Variants in PTPN14 observed in about 807,000 individuals in gnomAD.
PTPN14 encodes tyrosine-protein phosphatase non-receptor type 14.
PTPN14 carries 53 observed loss-of-function variants against 126.8 expected under a neutral mutation model. The observed-to-expected ratio is 0.42, with a 90% CI of 0.34 to 0.53. The LOEUF is 0.53. Ranked by LOEUF, PTPN14 falls within the 20% of genes least tolerant of loss-of-function variation. PTPN14 has a pLI of 0.08. For synonymous variants in PTPN14, 630 were observed against 599.3 expected (o/e 1.05, Z -0.75); for missense variants, 1,257 against 1,552.9 (o/e 0.81, Z 3.20).
At chr1:214,479,627 C>T (rs562326887) in intron 1 of PTPN14, among the ~76,000 whole-genome samples, 238 of 152,200 alleles carry the variant, frequency 1.6e-3, no homozygotes, top group Non-Finnish European at 2.9e-3. Flanking sequence ...GCGTCAGCCA[C>T]CGTACCCGAC....
intron 1 of PTPN14, among the ~76,000 whole-genome samples, chr1:214,539,573 G>A (rs1428563290): frequency 6.6e-6 from 1 of 152,080 alleles, no homozygotes; most frequent in East Asian, 1.9e-4. Context: ...TACATATACG[G>A]TAATTAATCT....
intron 1 of PTPN14, chr1:214,531,613 C>T (rs1290859869): frequency 6.6e-6 from 1 of 152,068 alleles, no homozygotes; most frequent in Non-Finnish European, 1.5e-5. Flanking sequence ...CCCTGCAAGT[C>T]TTCTTGCCCC....
chr1:214,475,153 G>A (rs1406914444), intron 1 of PTPN14, among the ~76,000 whole-genome samples: 3 of 152,060 alleles, frequency 2.0e-5, no homozygotes, highest in Non-Finnish European at 4.4e-5. Context: ...ATAAGCTGGA[G>A]CTTGTAAAAC....
intron 1 of PTPN14, among the ~76,000 whole-genome samples, chr1:214,468,693 T>C (rs1050274556): frequency 1.2e-4 from 19 of 152,350 alleles, no homozygotes; most frequent in Middle Eastern, 3.4e-3. Context: ...CTCACTCTAC[T>C]GTTCTTTTAG....
intron 16 of PTPN14, 25 bp from the exon 17 acceptor site, chr1:214,369,716 T>C: frequency 1.3e-6 from 2 of 1,588,708 alleles, no homozygotes; most frequent in East Asian, 2.2e-5. Context: ...AAAGCAAAAT[T>C]GGAAATAGGT....
intron 7 of PTPN14, among the ~76,000 whole-genome samples, chr1:214,400,257 C>T (rs997059692): frequency 6.6e-6 from 1 of 152,218 alleles, no homozygotes; most frequent in Admixed American, 6.5e-5. Context: ...TACCACCCCC[C>T]ACTGGTACTG....
In PTPN14 at chr1:214,506,194, G is replaced by A. The variant is rs7543838; in HGVS notation, c.-154-41237C>T. 3.2e-3 allele frequency among the ~76,000 whole-genome samples: 492 copies of A among 152,202 alleles called. 1 individual carries two copies. Among genetic ancestry groups the A allele is most frequent in the African/African-American group, 0.011 (440 of 41,516 alleles). ...TCAGAACTGGGAAGAGCCAATTTCC[G>A]CTAGCTTTTTTCCTAAATATAAAAA... On this transcript the variant is annotated intron_variant, in intron 1 of 18. Coordinates refer to ENST00000366956, the MANE Select transcript of PTPN14 (RefSeq NM_005401.5).
intron 2 of PTPN14, among the ~76,000 whole-genome samples, chr1:214,463,235 C>T (rs1660552531): frequency 6.6e-6 from 1 of 152,118 alleles, no homozygotes; most frequent in South Asian, 2.1e-4. Flanking sequence ...AAGTCTCTTC[C>T]CCAATCAGTA....
rs1234048829 is a variant in PTPN14, at chr1:214,351,844, G to A, written c.*6078C>T. On this transcript the variant is annotated 3_prime_UTR_variant, in exon 19 of 19. Transcript: ENST00000366956. ...TTACAGAAAGGGAGGCAGGGAGTAG[G>A]AGAGGCATTCCAGAGTTCAGAAAAT... 1 of 152,236 alleles carries A rather than the reference G, an allele frequency of 6.6e-6. No individual in the cohort carries two copies. The highest frequency in any genetic ancestry group is 1.5e-5 in the Non-Finnish European group (1 of 68,052). The allele number at this position is 152,236 out of a possible 1,614,324, so 9.4% of individuals were successfully genotyped here.
intron 1 of PTPN14, among the ~76,000 whole-genome samples, chr1:214,512,431 T>C (rs753670361): frequency 6.6e-6 from 1 of 152,178 alleles, no homozygotes; most frequent in Non-Finnish European, 1.5e-5. Context: ...TGGGTACAAC[T>C]GACACAATCA....
intron 2 of PTPN14, among the ~76,000 whole-genome samples, chr1:214,461,805 C>T (rs1448619066): frequency 4.6e-5 from 7 of 152,156 alleles, no homozygotes; most frequent in Non-Finnish European, 1.0e-4. Flanking sequence ...TAGGCCCCAA[C>T]ACCCCTCCCA....
chr1:214,382,834 T>C lies in PTPN14; in HGVS notation c.2544+477A>G, dbSNP rs12410392. On this transcript the variant is annotated intron_variant, in intron 13 of 18. Coordinates refer to ENST00000366956, the MANE Select transcript of PTPN14 (RefSeq NM_005401.5). The stretch of plus-strand genomic sequence containing the variant: ...TTCTTGAATCTGTGTGAAACATCTA[T>C]TGAAAGAAAATCTGAATACAAAGCT... 0.011 allele frequency among the ~76,000 whole-genome samples: 1,623 copies of C among 152,376 alleles called. 69 individuals carry two copies. In the East Asian group the frequency reaches 0.11, roughly 10 times the overall value.
chr1:214,535,719 C>A (rs1655688124), intron 1 of PTPN14, among the ~76,000 whole-genome samples: 1 of 150,014 alleles, frequency 6.7e-6, no homozygotes, highest in African/African-American at 2.5e-5. Context: ...GCGGAGGTTG[C>A]AGTGAGCCAA....
intron 1 of PTPN14, chr1:214,533,226 C>T (rs992187006): frequency 4.5e-6 from 3 of 665,510 alleles, no homozygotes; most frequent in African/African-American, 3.6e-5. Context: ...CAGGGCTGGC[C>T]CAGACCCAGG....
In PTPN14 at chr1:214,351,290, T is replaced by TAAAAAAA. The variant is rs557321966; in HGVS notation, c.*6625_*6631dup. On this transcript the variant is annotated 3_prime_UTR_variant, in exon 19 of 19. Transcript: ENST00000366956. ...AGGAGTGAGACACGATCTCAAAAAC[T>TAAAAAAA]AAAAAAAAAAAAAAAAAGAAAAAGA... 6.5e-4 allele frequency: 40 copies of TAAAAAAA among 61,270 alleles called. No homozygotes were observed. Among genetic ancestry groups the TAAAAAAA allele is most frequent in the African/African-American group, 1.1e-3 (19 of 17,556 alleles). The allele number at this position is 61,270 out of a possible 1,614,324, so 3.8% of individuals were successfully genotyped here. A position where few individuals can be genotyped will look rare whatever the true frequency, so the allele number is the denominator to read the frequency against.
At chr1:214,358,196 TGC>T (rs1657869787) in intron 18 of PTPN14, 146 bp from the exon 19 acceptor site, 2 of 857,600 alleles carry the variant, frequency 2.3e-6, no homozygotes, top group African/African-American at 1.7e-5. Flanking sequence ...CTGGGTTTTA[TGC>T]ATCAAACAGT....
chr1:214,432,193 GA>G (rs11436749), intron 3 of PTPN14, among the ~76,000 whole-genome samples: 12,616 of 147,006 alleles, frequency 0.086, 682 homozygotes, highest in Middle Eastern at 0.12. Flanking sequence ...CCTGTCTCAA[GA>G]AAAAAAAAAA....
At chr1:214,441,399 TA>T (rs533886660) in intron 3 of PTPN14, among the ~76,000 whole-genome samples, 2 of 152,348 alleles carry the variant, frequency 1.3e-5, no homozygotes, top group South Asian at 4.1e-4. Flanking sequence ...TTGTGCTTTC[TA>T]GATTCTGCTG....
chr1:214,382,156 C>T (rs1658488194), intron 13 of PTPN14, among the ~76,000 whole-genome samples: 1 of 152,202 alleles, frequency 6.6e-6, no homozygotes. Context: ...CCACCTCGGC[C>T]TCCCAAAGTG....
Sources: gnomAD v4.1 joint callset for allele counts (sites outside exome capture counted in the v4.1 genomes callset) on GRCh38, gnomAD v4.1.1 for gene constraint, MANE v1.5 for transcripts, NCBI Gene and HGNC (gene_info 2026-07-23, HGNC 2026-07-21) for gene names.